Variants in DCAF5 observed in about 807,000 individuals in gnomAD.
The protein encoded by DCAF5 is DDB1 and CUL4 associated factor 5.
Under a neutral mutation model 80.7 loss-of-function variants are expected in DCAF5, and 9 were observed. The ratio of observed to expected loss-of-function variants is 0.11; its 90% CI spans 0.07 to 0.19. DCAF5 has a LOEUF of 0.19. Ranked by LOEUF, DCAF5 falls within the 10% of genes least tolerant of loss-of-function variation. The pLI is 1.00. For missense variants in DCAF5, 842 were observed against 1,205.7 expected (o/e 0.70, Z 4.47); for synonymous variants, 433 against 461.9 (o/e 0.94, Z 0.80).
intron 5 of DCAF5, among the ~76,000 whole-genome samples, chr14:69,105,587 G>C (rs1169023289): frequency 6.6e-6 from 1 of 152,056 alleles, no homozygotes; most frequent in Non-Finnish European, 1.5e-5. Context: ...AGTGTAACTA[G>C]AACAAAGCTA....
intron 1 of DCAF5, among the ~76,000 whole-genome samples, chr14:69,149,963 A>G (rs2041652617): frequency 1.3e-5 from 2 of 152,240 alleles, no homozygotes; most frequent in African/African-American, 4.8e-5. Context: ...AAAAAATTCA[A>G]TTAGCTTTAA....
At position 69,055,116 on chromosome 14, in the gene DCAF5, G is replaced by A; in HGVS notation, c.1570C>T (p.Leu524Phe). 6.2e-7 allele frequency: 1 copy of A among 1,614,264 alleles called. No homozygotes were observed. The highest frequency in any genetic ancestry group is 8.5e-7 in the Non-Finnish European group (1 of 1,180,050). ...TCGGACTCATTGGAAAGGGCCAGGA[G>A]GCGTTTGTCTTGGTAGCGCCGCAGA... ...SALRRYQDKR[L>F]LALSNESDSE... The change falls in exon 9 of 9, where the codon CTC becomes TTC. Residue 524 changes from leucine to phenylalanine, a missense_variant. This residue lies in a region of DCAF5 where 607 missense variants were observed against 656.6 expected (regional missense o/e 0.92). Coordinates refer to ENST00000341516, the MANE Select transcript of DCAF5 (RefSeq NM_003861.3). The surrounding 1 kb of genome is among the most constrained non-coding windows in gnomAD (Gnocchi z 5.6).
intron 2 of DCAF5, among the ~76,000 whole-genome samples, chr14:69,121,355 G>C (rs1038157091): frequency 6.6e-6 from 1 of 152,194 alleles, no homozygotes; most frequent in African/African-American, 2.4e-5. Flanking sequence ...TTTCAAGATA[G>C]ACCTGACAGG....
intron 8 of DCAF5, among the ~76,000 whole-genome samples, chr14:69,059,647 T>TTGAGA (rs1230201856): frequency 1.3e-5 from 2 of 152,124 alleles, no homozygotes; most frequent in African/African-American, 4.8e-5. Flanking sequence ...TGGCCATTGG[T>TTGAGA]CTCATCCTTC....
chr14:69,144,459 C>T (rs989362676), intron 1 of DCAF5, among the ~76,000 whole-genome samples: 1 of 151,848 alleles, frequency 6.6e-6, no homozygotes, highest in African/African-American at 2.4e-5. Flanking sequence ...GTAGTCCCAA[C>T]TACTCGGGAG....
intron 1 of DCAF5, among the ~76,000 whole-genome samples, chr14:69,141,139 T>TAA (rs11396838): frequency 0.011 from 654 of 59,392 alleles, 21 homozygotes; most frequent in African/African-American, 0.021. Flanking sequence ...ATCTCAAATT[T>TAA]AAAAAAAAAA....
intron 5 of DCAF5, among the ~76,000 whole-genome samples, chr14:69,106,325 G>T (rs1394205819): frequency 6.6e-6 from 1 of 151,824 alleles, no homozygotes; most frequent in African/African-American, 2.4e-5. Flanking sequence ...CAAAGTGCTG[G>T]GATTACAGGC....
At chr14:69,064,083 C>T (rs750449077) in intron 7 of DCAF5, among the ~76,000 whole-genome samples, 19 of 152,082 alleles carry the variant, frequency 1.2e-4, no homozygotes, top group Non-Finnish European at 2.4e-4. Context: ...ATGGTGGGAA[C>T]CCCTAGCACT....
chr14:69,081,805 ATCT>A (rs1167718355), intron 6 of DCAF5, among the ~76,000 whole-genome samples: 2 of 152,130 alleles, frequency 1.3e-5, no homozygotes, highest in African/African-American at 4.8e-5. Context: ...ACAGGATTTG[ATCT>A]TCTCCAACAT....
chr14:69,109,612 G>A (rs924410016), intron 5 of DCAF5, among the ~76,000 whole-genome samples: 5 of 152,270 alleles, frequency 3.3e-5, no homozygotes, highest in South Asian at 2.1e-4. Context: ...TATTATGACC[G>A]TGAGATTCAT....
intron 1 of DCAF5, among the ~76,000 whole-genome samples, chr14:69,133,437 T>C (rs2041098376): frequency 6.6e-6 from 1 of 152,210 alleles, no homozygotes; most frequent in Non-Finnish European, 1.5e-5. Context: ...GACTCAAGAT[T>C]GCCAGATCTC....
At chr14:69,113,971 T>C (rs2040457387) in intron 5 of DCAF5, among the ~76,000 whole-genome samples, 1 of 152,202 alleles carries the variant, frequency 6.6e-6, no homozygotes, top group Admixed American at 6.5e-5. Context: ...TTTTCTCCTA[T>C]ATGGGCTCTG....
intron 5 of DCAF5, among the ~76,000 whole-genome samples, chr14:69,104,516 T>G (rs1446502818): frequency 6.6e-6 from 1 of 152,040 alleles, no homozygotes; most frequent in Admixed American, 6.6e-5. Flanking sequence ...AAGAAATTCG[T>G]AAGACAAATA....
At chr14:69,083,531 A>C in intron 6 of DCAF5, 1 of 363,170 alleles carries the variant, frequency 2.8e-6, no homozygotes, top group Non-Finnish European at 5.3e-6. Flanking sequence ...GATGTGTCTG[A>C]AGAAACAACG....
At chr14:69,136,950 T>C (rs2041214012) in intron 1 of DCAF5, among the ~76,000 whole-genome samples, 1 of 152,232 alleles carries the variant, frequency 6.6e-6, no homozygotes. Context: ...CAATTATATG[T>C]TTAATGTATG....
chr14:69,105,943 A>ATC (rs1555374893), intron 5 of DCAF5, among the ~76,000 whole-genome samples: 1 of 74,172 alleles, frequency 1.3e-5, no homozygotes, highest in African/African-American at 3.8e-5. Context: ...ATATATATAT[A>ATC]TATCTCCTAT....
chr14:69,117,828 T>C (rs1191703231), intron 4 of DCAF5, among the ~76,000 whole-genome samples: 2 of 152,214 alleles, frequency 1.3e-5, no homozygotes, highest in African/African-American at 4.8e-5. Flanking sequence ...CCCCATTCTC[T>C]GTAAATAATC....
At chr14:69,071,693 C>T (rs1469905474) in intron 7 of DCAF5, among the ~76,000 whole-genome samples, 2 of 152,096 alleles carry the variant, frequency 1.3e-5, no homozygotes, top group African/African-American at 4.8e-5. Flanking sequence ...GTCAAAAAGA[C>T]ATTAGGTTGG....
At chr14:69,132,057 G>A (rs2041057097) in intron 1 of DCAF5, among the ~76,000 whole-genome samples, 1 of 152,032 alleles carries the variant, frequency 6.6e-6, no homozygotes, top group Non-Finnish European at 1.5e-5. Flanking sequence ...TGGACCCTTG[G>A]GTTGCTTCTA....
Sources: allele counts gnomAD v4.1 joint callset (sites outside exome capture counted in the v4.1 genomes callset), GRCh38; gene constraint gnomAD v4.1.1; regional missense constraint gnomAD v4.1.1; non-coding constraint Gnocchi (gnomAD v3.1); transcripts MANE v1.5; gene names NCBI Gene and HGNC (gene_info 2026-07-23, HGNC 2026-07-21).